Variants in VPS13B observed in about 807,000 individuals in gnomAD.
The protein encoded by VPS13B is intermembrane lipid transfer protein VPS13B.
A neutral mutation model predicts 426.4 loss-of-function variants in VPS13B; 285 were observed. That is an observed-to-expected ratio of 0.67 (90% CI 0.61 to 0.74). VPS13B has a LOEUF of 0.74. VPS13B is among the 30% of genes least tolerant of loss of function. The probability of loss-of-function intolerance (pLI) is 0.00; values close to 1 mark genes in which losing one functional copy is unlikely to be tolerated. For synonymous variants in VPS13B, 1,676 were observed against 1,676.4 expected (o/e 1.00, Z 0.01); for missense variants, 4,537 against 4,782.6 (o/e 0.95, Z 1.51).
intron 16 of VPS13B, among the ~76,000 whole-genome samples, chr8:99,189,511 A>C (rs1813431109): frequency 7.1e-6 from 1 of 141,812 alleles, no homozygotes; most frequent in African/African-American, 2.7e-5. Flanking sequence ...TGCACGTTGT[A>C]GTTTAGGTGT....
chr8:99,688,857 A>G (rs1260122162), intron 35 of VPS13B, among the ~76,000 whole-genome samples: 2 of 152,106 alleles, frequency 1.3e-5, no homozygotes, highest in East Asian at 3.8e-4. Context: ...TCTCGAGGTC[A>G]CAGAAAGAAT....
intron 30 of VPS13B, among the ~76,000 whole-genome samples, chr8:99,554,384 A>G (rs567446143): frequency 3.0e-4 from 45 of 152,184 alleles, no homozygotes; most frequent in Non-Finnish European, 5.6e-4. Context: ...TGCCTCAGAT[A>G]TTTGCTGGCT....
rs574354592 is a variant in VPS13B, at chr8:99,386,921, A to T, written c.2934+2604A>T. ...GAGGTGGAGGCTGCAGTGAACAATG[A>T]TCACACCACTGTACTCCAGCCTGGG... On this transcript the variant is annotated intron_variant, in intron 20 of 61. Transcript: ENST00000357162. Among the ~76,000 whole-genome samples, 52 of 152,258 alleles carry T rather than the reference A, an allele frequency of 3.4e-4. 3 individuals carry two copies. In the South Asian group the frequency reaches 5.6e-3, roughly 16 times the overall value.
intron 39 of VPS13B, among the ~76,000 whole-genome samples, chr8:99,735,224 T>G (rs1833774280): frequency 1.3e-5 from 2 of 152,154 alleles, no homozygotes. Context: ...TCATTGTATC[T>G]AGTAAATAAA....
chr8:99,859,234 C>T, intron 56 of VPS13B, 70 bp from the exon 57 acceptor site: 1 of 1,587,690 alleles, frequency 6.3e-7, no homozygotes, highest in Non-Finnish European at 8.6e-7. Flanking sequence ...GAAAATGGGT[C>T]ACTTTTTCAC....
chr8:99,626,368 T>C (rs1170597421), intron 33 of VPS13B, among the ~76,000 whole-genome samples: 1 of 152,188 alleles, frequency 6.6e-6, no homozygotes, highest in Non-Finnish European at 1.5e-5. Context: ...CTGCATTTAT[T>C]TGAATTGTCT....
chr8:99,300,880 GT>G (rs34461801), intron 19 of VPS13B, among the ~76,000 whole-genome samples: 8,532 of 123,688 alleles, frequency 0.069, 217 homozygotes, highest in African/African-American at 0.13. Context: ...ATTTAATATA[GT>G]TTTTTTTTTT....
intron 19 of VPS13B, among the ~76,000 whole-genome samples, chr8:99,294,496 T>A (rs1369567890): frequency 6.7e-6 from 1 of 150,296 alleles, no homozygotes; most frequent in East Asian, 2.0e-4. Flanking sequence ...CATATGTAAC[T>A]AACCTGCACA....
chr8:99,571,249 G>GACTGTTATATGGTA (rs11274459), intron 31 of VPS13B, among the ~76,000 whole-genome samples: 5,081 of 151,802 alleles, frequency 0.033, 128 homozygotes, highest in East Asian at 0.085. Flanking sequence ...TTGAAACTTA[G>GACTGTTATATGGTA]ACTGTTATAT....
chr8:99,462,208 A>C (rs930319190), intron 23 of VPS13B, among the ~76,000 whole-genome samples: 3 of 130,372 alleles, frequency 2.3e-5, no homozygotes, highest in African/African-American at 8.9e-5. Flanking sequence ...TGTGTACTGT[A>C]TGCTATGCAC....
At chr8:99,176,544 T>TA (rs1444329114) in intron 16 of VPS13B, among the ~76,000 whole-genome samples, 1 of 152,162 alleles carries the variant, frequency 6.6e-6, no homozygotes, top group East Asian at 1.9e-4. Context: ...AGTTGCTTGA[T>TA]ATGTACCACA....
intron 19 of VPS13B, among the ~76,000 whole-genome samples, chr8:99,301,521 C>T (rs1010635336): frequency 3.3e-5 from 5 of 152,094 alleles, no homozygotes; most frequent in African/African-American, 1.2e-4. Flanking sequence ...AACTCCTGAC[C>T]TCAGGTGATC....
At chr8:99,479,367 A>G (rs1473052885) in intron 24 of VPS13B, among the ~76,000 whole-genome samples, 1 of 152,240 alleles carries the variant, frequency 6.6e-6, no homozygotes, top group Non-Finnish European at 1.5e-5. Context: ...CATTCAATAC[A>G]CAAGACATTG....
chr8:99,052,462 T>C (rs2132268613), intron 3 of VPS13B, among the ~76,000 whole-genome samples: 1 of 104,820 alleles, frequency 9.5e-6, no homozygotes, highest in East Asian at 2.3e-4. Context: ...TTTGCATAGA[T>C]GTTCATCAGG....
intron 24 of VPS13B, among the ~76,000 whole-genome samples, chr8:99,477,403 A>G (rs995831608): frequency 2.6e-5 from 4 of 152,174 alleles, no homozygotes; most frequent in African/African-American, 9.7e-5. Flanking sequence ...GAGCAAATCA[A>G]TACTTCTTGT....
chr8:99,358,919 C>T (rs1812339392), intron 19 of VPS13B, among the ~76,000 whole-genome samples: 1 of 152,134 alleles, frequency 6.6e-6, no homozygotes, highest in South Asian at 2.1e-4. Flanking sequence ...TAAGGTTTTA[C>T]GTGTAAGATC....
At chr8:99,697,746 T>C in intron 35 of VPS13B, 1 of 626,334 alleles carries the variant, frequency 1.6e-6, no homozygotes, top group South Asian at 1.5e-5. Flanking sequence ...GGCGCGCCCG[T>C]AGGGGAGAAC....
intron 17 of VPS13B, among the ~76,000 whole-genome samples, chr8:99,246,079 C>T (rs1817200763): frequency 6.6e-6 from 1 of 152,212 alleles, no homozygotes; most frequent in African/African-American, 2.4e-5. Context: ...GCCTTTTGGT[C>T]TCCAAACTTG....
At chr8:99,503,395 A>T (rs1293235564) in intron 27 of VPS13B, among the ~76,000 whole-genome samples, 1 of 152,150 alleles carries the variant, frequency 6.6e-6, no homozygotes, top group East Asian at 1.9e-4. Flanking sequence ...GGCAATTTTT[A>T]AAAATAAGTC....
Sources: allele counts gnomAD v4.1 joint callset (sites outside exome capture counted in the v4.1 genomes callset), GRCh38; gene constraint gnomAD v4.1.1; transcripts MANE v1.5; gene names NCBI Gene and HGNC (gene_info 2026-07-23, HGNC 2026-07-21).